The following SERPINF1 variants were observed in gnomAD, a reference collection of about 807,000 sequenced individuals.
SERPINF1 encodes pigment epithelium-derived factor.
In SERPINF1, 29 loss-of-function variants were observed where a neutral mutation model predicts 37.3. The ratio of observed to expected loss-of-function variants is 0.78; its 90% confidence interval spans 0.58 to 1.06. SERPINF1 has a LOEUF of 1.06. SERPINF1 is among the 50% of genes least tolerant of loss of function. SERPINF1 has a pLI of 0.00. For synonymous variants in SERPINF1, 281 were observed against 227.9 expected (o/e 1.23, Z -2.10); for missense variants, 553 against 532.2 (o/e 1.04, Z -0.38).
At chr17:1,777,046 AC>A in intron 7 of SERPINF1, 140 bp from the exon 8 acceptor site, 1 of 1,333,366 alleles carries the variant, frequency 7.5e-7, no homozygotes, top group Non-Finnish European at 1.1e-6. Context: ...AAGTCACTCC[AC>A]CCTCGGTCAG....
chr17:1,771,923 C>T lies in SERPINF1; in HGVS notation c.491C>T (p.Thr164Ile). ...FVAPLEKSYG[T>I]RPRVLTGNPR... ...GCACCTCTGGAAAAGTCATATGGGACCAGGCCCAGAGTCCTGACGGGCAAC... is the reference window on the plus strand; with the variant it reads ...GCACCTCTGGAAAAGTCATATGGGATCAGGCCCAGAGTCCTGACGGGCAAC... The change falls in exon 5 of 8, where the codon ACC becomes ATC. Residue 164 changes from threonine (T) to isoleucine (I), a missense_variant. Coordinates refer to ENST00000254722, the MANE Select transcript of SERPINF1 (RefSeq NM_002615.7). 1 of 1,613,962 alleles carries T rather than the reference C, an allele frequency of 6.2e-7. No individual in the cohort carries two copies. The highest frequency in any genetic ancestry group is 8.5e-7 in the Non-Finnish European group (1 of 1,180,008).
chr17:1,775,135 G>C lies in SERPINF1; in HGVS notation c.721G>C (p.Val241Leu), dbSNP rs774415047. ...FYLDEERTVR[V>L]PMMSDPKAVL... ...CTTGGATGAAGAGAGGACCGTGAGG[G>C]TCCCCATGATGTCGGACCCTAAGGC... Residue 241 changes from valine (V) to leucine (L), a missense_variant, in exon 6 of 8, where the codon GTC becomes CTC. Val to Leu is a conservative substitution (Grantham distance 32, BLOSUM62 1). Coordinates refer to ENST00000254722, the MANE Select transcript of SERPINF1 (RefSeq NM_002615.7). 2.5e-6 allele frequency: 4 copies of C among 1,613,858 alleles called. No homozygotes were observed. The highest frequency in any genetic ancestry group is 4.5e-5 in the East Asian group (2 of 44,868).
At chr17:1,767,760 T>A (rs1454471117) in intron 2 of SERPINF1, among the ~76,000 whole-genome samples, 1 of 152,238 alleles carries the variant, frequency 6.6e-6, no homozygotes, top group African/African-American at 2.4e-5. Flanking sequence ...TCTTCCTAGC[T>A]TTGTGACCCT....
chr17:1,776,693 G>T lies in SERPINF1; in HGVS notation c.948G>T (p.Lys316Asn). The change falls in exon 7 of 8, where the codon AAG becomes AAT. Residue 316 changes from lysine (K) to asparagine (N), a missense_variant. Transcript: ENST00000254722. ...KTVQAVLTVP[K>N]LKLSYEGEVT... ...TGCAGGCGGTCCTCACTGTCCCCAA[G>T]CTGAAGCTGAGTTATGAAGGCGAAG... 5 of 1,613,342 alleles carry T rather than the reference G, an allele frequency of 3.1e-6. No homozygotes were observed. The highest frequency in any genetic ancestry group is 4.2e-6 in the Non-Finnish European group (5 of 1,179,694).
At chr17:1,767,637 G>A (rs571593376) in intron 2 of SERPINF1, among the ~76,000 whole-genome samples, 1 of 152,198 alleles carries the variant, frequency 6.6e-6, no homozygotes, top group Non-Finnish European at 1.5e-5. Context: ...GGCCATATGA[G>A]TGTTATGGGG....
intron 2 of SERPINF1, among the ~76,000 whole-genome samples, 193 bp downstream of exon 2, chr17:1,767,187 G>A (rs1309526932): frequency 5.3e-5 from 8 of 152,162 alleles, no homozygotes; most frequent in Admixed American, 5.2e-4. Context: ...GATGGAGTAG[G>A]GACATGAATA....
At chr17:1,776,438 C>A in intron 6 of SERPINF1, 94 bp from the exon 7 acceptor site, 2 of 1,093,742 alleles carry the variant, frequency 1.8e-6, no homozygotes, top group Non-Finnish European at 1.4e-6. Context: ...AGACCAGGGC[C>A]CCGTCACGGG....
At chr17:1,771,781 G>C (rs766488771) in intron 4 of SERPINF1, 91 bp from the exon 5 acceptor site, 1 of 1,294,420 alleles carries the variant, frequency 7.7e-7, no homozygotes, top group South Asian at 1.2e-5. Context: ...CCTGCTGAGC[G>C]CTAAACCAGA....
chr17:1,772,122 CTAAT>C (rs764361644), intron 5 of SERPINF1, 47 bp downstream of exon 5: 163 of 1,566,368 alleles, frequency 1.0e-4, no homozygotes, highest in African/African-American at 3.7e-4. Context: ...TGTATTTTAA[CTAAT>C]TAATTAATTC....
rs768740764 is a variant in SERPINF1 at position 1,771,111 on chromosome 17, T to A, written c.366T>A (p.Tyr122Ter). 1.2e-6 allele frequency: 2 copies of A among 1,613,972 alleles called. No individual in the cohort carries two copies. Among genetic ancestry groups the A allele is most frequent in the African/African-American group, 2.7e-5 (2 of 74,896 alleles). Residue 122 changes from tyrosine (Y) to a stop codon, truncating the protein, a stop_gained, in exon 4 of 8, where the codon TAT becomes TAA. Coordinates refer to ENST00000254722, the MANE Select transcript of SERPINF1 (RefSeq NM_002615.7). LOFTEE classifies it high-confidence loss of function. ...LISSPDIHGTYKELLDTVTAP... is the reference protein window; with the variant it reads ...LISSPDIHGT ...GCAGCCCAGACATCCATGGTACCTA[T>A]AAGGAGCTCCTTGACACGGTCACTG...
intron 3 of SERPINF1, chr17:1,770,674 G>C (rs1435028246): frequency 3.0e-6 from 1 of 334,108 alleles, no homozygotes; most frequent in Admixed American, 4.1e-5. Flanking sequence ...TGCCTAGGCT[G>C]GTCTCAAACT....
chr17:1,765,426 A>G (rs1181225694), intron 1 of SERPINF1, among the ~76,000 whole-genome samples: 1 of 151,724 alleles, frequency 6.6e-6, no homozygotes, highest in African/African-American at 2.4e-5. Context: ...GGTTCAAGTG[A>G]TTCTCCTGCC....
intron 1 of SERPINF1, among the ~76,000 whole-genome samples, chr17:1,764,627 C>T (rs576694527): frequency 6.6e-6 from 1 of 152,184 alleles, no homozygotes; most frequent in Non-Finnish European, 1.5e-5. Context: ...TCATGCCTCA[C>T]GATATTGTCC....
chr17:1,773,729 G>T (rs910991812), intron 5 of SERPINF1, among the ~76,000 whole-genome samples: 10 of 152,172 alleles, frequency 6.6e-5, no homozygotes, highest in African/African-American at 2.4e-4. Context: ...CCAAGACATG[G>T]CAGGTGGCCA....
Position 1,771,099 on chromosome 17 carries a change from C to T in SERPINF1, c.354C>T (p.Ile118=). ...ATGACTTGATCAGCAGCCCAGACAT[C>T]CATGGTACCTATAAGGAGCTCCTTG... is the stretch of plus-strand genomic sequence containing the variant. ...LYYDLISSPD[I]HGTYKELLDT... is the part of the protein sequence containing the mutation. The change falls in exon 4 of 8, where the codon ATC becomes ATT. Residue 118 remains isoleucine (I), a synonymous_variant. Coordinates refer to ENST00000254722, the MANE Select transcript of SERPINF1 (RefSeq NM_002615.7). The T allele has an allele frequency of 6.2e-7, 1 of 1,614,094 alleles. No individual in the cohort carries two copies. The highest frequency in any genetic ancestry group is 1.1e-5 in the South Asian group (1 of 91,082).
chr17:1,774,874 G>A (rs762800847), intron 5 of SERPINF1, among the ~76,000 whole-genome samples, 184 bp from the exon 6 acceptor site: 6 of 152,114 alleles, frequency 3.9e-5, no homozygotes, highest in African/African-American at 9.7e-5. Context: ...TGGGGTCCTG[G>A]AAATAACTGT....
At chr17:1,770,468 T>TTC (rs201003979) in intron 3 of SERPINF1, 3 of 209,414 alleles carry the variant, frequency 1.4e-5, no homozygotes, top group Non-Finnish European at 2.9e-5. Context: ...TTTTTTTTTT[T>TTC]TTTCTTTCTG....
chr17:1,775,142 T>A lies in SERPINF1; in HGVS notation c.728T>A (p.Met243Lys), dbSNP rs371366860. 3.1e-6 allele frequency: 5 copies of A among 1,613,738 alleles called. No individual in the cohort carries two copies. The African/African-American group carries it at 6.7e-5, about 22-fold the overall frequency. The change falls in exon 6 of 8, where the codon ATG becomes AAG. Residue 243 changes from methionine to lysine, a missense_variant. Physicochemically the swap from Met to Lys is moderately conservative, Grantham distance 95. Transcript: ENST00000254722. ...GAAGAGAGGACCGTGAGGGTCCCCA[T>A]GATGTCGGACCCTAAGGCTGTTTTA... ...LDEERTVRVP[M>K]MSDPKAVLRY...
intron 6 of SERPINF1, 142 bp from the exon 7 acceptor site, chr17:1,776,390 G>A: frequency 1.3e-6 from 1 of 773,432 alleles, no homozygotes; most frequent in South Asian, 1.4e-5. Context: ...AACCTGGAAG[G>A]GGAATTGTTA....
Sources: gnomAD v4.1 joint callset for allele counts (sites outside exome capture counted in the v4.1 genomes callset) on GRCh38, gnomAD v4.1.1 for gene constraint, MANE v1.5 for transcripts, NCBI Gene and HGNC (gene_info 2026-07-23, HGNC 2026-07-21) for gene names.